SPHKAP: variants seen among roughly 807,000 people sequenced by gnomAD.
SPHKAP encodes A-kinase anchor protein SPHKAP.
In SPHKAP, 67 loss-of-function variants were observed where a neutral mutation model predicts 137.5. That is an observed-to-expected ratio of 0.49 (90% CI 0.40 to 0.60). The LOEUF (loss-of-function observed/expected upper bound fraction) is 0.60, where lower values mean the gene tolerates loss of function less well. Among genes scored for constraint, SPHKAP ranks in the 20% least tolerant of loss-of-function variants. The pLI, the probability that SPHKAP is intolerant of heterozygous loss-of-function variation, is 0.00. For missense variants in SPHKAP, 2,097 were observed against 2,069.3 expected (o/e 1.01, Z -0.26); for synonymous variants, 813 against 785.3 (o/e 1.04, Z -0.59).
chr2:228,102,644 GTATTTACTGAATATACTC>G (rs1191192299), intron 3 of SPHKAP, among the ~76,000 whole-genome samples: 2 of 152,186 alleles, frequency 1.3e-5, no homozygotes, highest in Non-Finnish European at 2.9e-5. Context: ...ACTCCATACA[GTATTTACTGAATATACTC>G]TAAATTAATG....
At chr2:228,125,767 G>T (rs1699058230) in intron 2 of SPHKAP, among the ~76,000 whole-genome samples, 1 of 152,126 alleles carries the variant, frequency 6.6e-6, no homozygotes, top group Non-Finnish European at 1.5e-5. Flanking sequence ...AATGGTGGTT[G>T]TATTTTTCTT....
rs1694754018 is a variant in SPHKAP at position 228,019,577 on chromosome 2, C to CTTCCTACAGAAACACTGT, written c.1276_1277insACAGTGTTTCTGTAGGAA (p.Gly425_Ser426insAsnSerValSerValGly). On this transcript the variant is annotated inframe_insertion, in exon 7 of 12. Coordinates refer to ENST00000392056, the MANE Select transcript of SPHKAP (RefSeq NM_001142644.2). ...GGAATAGCAACTGGGAAGCAGAGAA[C>CTTCCTACAGAAACACTGT]TTCCTACAGAAACACTGACTGCAGA... The CTTCCTACAGAAACACTGT allele has an allele frequency of 6.2e-7, 1 of 1,614,058 alleles. No individual in the cohort carries two copies. Among genetic ancestry groups the CTTCCTACAGAAACACTGT allele is most frequent in the Admixed American group, 1.7e-5 (1 of 60,004 alleles).
At chr2:228,061,998 A>G (rs1224774179) in intron 3 of SPHKAP, among the ~76,000 whole-genome samples, 5 of 151,954 alleles carry the variant, frequency 3.3e-5, no homozygotes, top group African/African-American at 1.2e-4. Flanking sequence ...AAATATGTTT[A>G]GTGTGGAATA....
At chr2:228,115,158 A>G (rs1698666502) in intron 2 of SPHKAP, among the ~76,000 whole-genome samples, 1 of 152,110 alleles carries the variant, frequency 6.6e-6, no homozygotes, top group South Asian at 2.1e-4. Context: ...TTCTACTCCC[A>G]TCAATCATTT....
At chr2:228,009,292 C>A (rs912301148) in intron 7 of SPHKAP, among the ~76,000 whole-genome samples, 5 of 152,070 alleles carry the variant, frequency 3.3e-5, no homozygotes, top group African/African-American at 1.2e-4. Flanking sequence ...GCTTTTAAGA[C>A]AATTTCTTTA....
At chr2:228,160,151 G>T (rs1700232049) in intron 1 of SPHKAP, among the ~76,000 whole-genome samples, 1 of 152,096 alleles carries the variant, frequency 6.6e-6, no homozygotes, top group South Asian at 2.1e-4. Context: ...GCTGTCAGTG[G>T]AATCTGGCAT....
chr2:228,026,784 C>T (rs1044426148), intron 4 of SPHKAP, among the ~76,000 whole-genome samples: 1 of 152,212 alleles, frequency 6.6e-6, no homozygotes, highest in Non-Finnish European at 1.5e-5. Flanking sequence ...GCTTGAAGTG[C>T]AGCATTGTCA....
intron 1 of SPHKAP, among the ~76,000 whole-genome samples, chr2:228,171,693 T>C (rs1329219424): frequency 1.4e-4 from 22 of 152,148 alleles, no homozygotes. Flanking sequence ...TTTACATCCT[T>C]TGATTTGTGG....
At chr2:228,063,174 A>ATCTATCTATCTGTCTGTCTGTCTG (rs756046439) in intron 3 of SPHKAP, among the ~76,000 whole-genome samples, 5 of 147,176 alleles carry the variant, frequency 3.4e-5, no homozygotes, top group African/African-American at 1.3e-4. Flanking sequence ...CTATCTATCT[A>ATCTATCTATCTGTCTGTCTGTCTG]TCTGTCTGTC....
chr2:228,122,113 TA>T (rs767916766), intron 2 of SPHKAP, among the ~76,000 whole-genome samples: 124 of 152,198 alleles, frequency 8.1e-4, no homozygotes, highest in Non-Finnish European at 1.3e-3. Context: ...ATATTCAATG[TA>T]AACTTGTTGT....
intron 1 of SPHKAP, among the ~76,000 whole-genome samples, chr2:228,132,767 G>T (rs1414015274): frequency 2.0e-5 from 3 of 151,180 alleles, no homozygotes; most frequent in Non-Finnish European, 4.4e-5. Context: ...GGAAGCTGAG[G>T]CAGGCGGATC....
chr2:227,987,279 G>A (rs1333934592), intron 11 of SPHKAP, among the ~76,000 whole-genome samples: 1 of 152,192 alleles, frequency 6.6e-6, no homozygotes, highest in Non-Finnish European at 1.5e-5. Context: ...GTAACAGTTT[G>A]AGAAATACTG....
At chr2:228,143,979 TCTCTGCTGTTCCTAAAAC>T (rs992350944) in intron 1 of SPHKAP, among the ~76,000 whole-genome samples, 4 of 152,188 alleles carry the variant, frequency 2.6e-5, no homozygotes, top group Admixed American at 2.6e-4. Context: ...CACACTGGCC[TCTCTGCTGTTCCTAAAAC>T]AGGCCAGGCA....
intron 11 of SPHKAP, among the ~76,000 whole-genome samples, chr2:227,985,649 C>A (rs1480852033): frequency 6.6e-6 from 1 of 152,142 alleles, no homozygotes; most frequent in Non-Finnish European, 1.5e-5. Flanking sequence ...GTTGGCATTT[C>A]TTTGAGCAAA....
chr2:228,128,469 T>G (rs1699144706), intron 2 of SPHKAP, among the ~76,000 whole-genome samples: 1 of 152,104 alleles, frequency 6.6e-6, no homozygotes, highest in Non-Finnish European at 1.5e-5. Context: ...CTTCAGTCAT[T>G]CATGAGAGTT....
rs1694745749 is a variant in SPHKAP, at chr2:228,019,360, C to T, written c.1494G>A (p.Val498=). Reference sequence around the variant, plus strand: ...TCACAGTGGCTGCACAAGCTAACGCCACTTCTAGAGCACTCTGGGGTTGTC... The same window carrying T: ...TCACAGTGGCTGCACAAGCTAACGCTACTTCTAGAGCACTCTGGGGTTGTC... ...SSRQPQSALE[V]ALACAATVIG... Residue 498 remains valine, a synonymous_variant, in exon 7 of 12, where the codon GTG becomes GTA. Transcript: ENST00000392056. 3 of 1,614,168 alleles carry T rather than the reference C, an allele frequency of 1.9e-6. No homozygotes were observed. Among genetic ancestry groups the T allele is most frequent in the Middle Eastern group, 3.3e-4 (2 of 6,062 alleles).
At chr2:227,986,747 T>C (rs1693226923) in intron 11 of SPHKAP, among the ~76,000 whole-genome samples, 1 of 152,152 alleles carries the variant, frequency 6.6e-6, no homozygotes, top group African/African-American at 2.4e-5. Flanking sequence ...TTCTCTGCAC[T>C]GCCCCCATAG....
At chr2:228,157,154 AT>A (rs149989530) in intron 1 of SPHKAP, among the ~76,000 whole-genome samples, 9,395 of 152,286 alleles carry the variant, frequency 0.062, 355 homozygotes, top group Non-Finnish European at 0.087. Flanking sequence ...ACATTTGAAT[AT>A]TACTCTTATA....
chr2:228,076,553 A>G (rs576275832), intron 3 of SPHKAP, among the ~76,000 whole-genome samples: 11 of 152,298 alleles, frequency 7.2e-5, no homozygotes, highest in African/African-American at 2.4e-4. Flanking sequence ...TTATTTTAGC[A>G]AAGAGACTGG....
Sources: allele counts gnomAD v4.1 joint callset (sites outside exome capture counted in the v4.1 genomes callset), GRCh38; gene constraint gnomAD v4.1.1; transcripts MANE v1.5; gene names NCBI Gene and HGNC (gene_info 2026-07-23, HGNC 2026-07-21).